Variants in KIAA1328 observed in about 807,000 individuals in gnomAD.
KIAA1328 encodes the protein KIAA1328.
In KIAA1328, 52 loss-of-function variants were observed where a neutral mutation model predicts 68.1. The ratio of observed to expected loss-of-function variants is 0.76; its 90% CI spans 0.61 to 0.96. KIAA1328 has a LOEUF of 0.96. KIAA1328 is among the 40% of genes least tolerant of loss of function. The pLI, the probability that KIAA1328 is intolerant of heterozygous loss-of-function variation, is 0.00. For synonymous variants in KIAA1328, 232 were observed against 239.4 expected, an observed-to-expected ratio of 0.97 and a Z score of 0.28; for missense variants, 641 against 677.6, an observed-to-expected ratio of 0.95 and a Z score of 0.60.
intron 5 of KIAA1328, among the ~76,000 whole-genome samples, chr18:36,941,765 A>C (rs1470681469): frequency 6.6e-6 from 1 of 152,202 alleles, no homozygotes; most frequent in Non-Finnish European, 1.5e-5. Context: ...AGAGGCATTT[A>C]CATTTTACTA....
At chr18:36,976,530 T>G (rs2052479470) in intron 6 of KIAA1328, among the ~76,000 whole-genome samples, 1 of 152,020 alleles carries the variant, frequency 6.6e-6, no homozygotes, top group African/African-American at 2.4e-5. Context: ...TTTTAGTGAC[T>G]TAGCCTGATT....
chr18:37,060,090 T>C (rs2056088665), intron 6 of KIAA1328, among the ~76,000 whole-genome samples: 1 of 152,058 alleles, frequency 6.6e-6, no homozygotes, highest in Non-Finnish European at 1.5e-5. Flanking sequence ...CAAAACACCA[T>C]GGCACATGTA....
intron 4 of KIAA1328, among the ~76,000 whole-genome samples, chr18:36,852,959 A>T (rs1242517617): frequency 6.6e-6 from 1 of 152,124 alleles, no homozygotes; most frequent in African/African-American, 2.4e-5. Context: ...AGCTATGTTA[A>T]TATTTTCATA....
In KIAA1328 at chr18:36,977,870, G is replaced by A. The variant is rs558471217; in HGVS notation, c.576+18435G>A. On this transcript the variant is annotated intron_variant, in intron 6 of 9. Coordinates refer to ENST00000280020, the MANE Select transcript of KIAA1328 (RefSeq NM_020776.3). ...GCAGTCTTGGCTCACTGCAACCTCC[G>A]CCTTCCAGGTTCAAGAGATTCTCAT... 1.1e-4 allele frequency among the ~76,000 whole-genome samples: 17 copies of A among 152,044 alleles called. No homozygotes were observed. The South Asian group carries it at 2.9e-3, about 26-fold the overall frequency.
intron 7 of KIAA1328, among the ~76,000 whole-genome samples, chr18:37,072,688 C>T (rs908890691): frequency 2.0e-5 from 3 of 151,970 alleles, no homozygotes; most frequent in Non-Finnish European, 2.9e-5. Context: ...CTGTGCAGAG[C>T]GTACAGGTTT....
At chr18:37,001,158 C>G (rs1198170130) in intron 6 of KIAA1328, among the ~76,000 whole-genome samples, 2 of 151,582 alleles carry the variant, frequency 1.3e-5, no homozygotes, top group Admixed American at 6.6e-5. Context: ...AGAGAAGATC[C>G]AAATAAACAA....
At chr18:36,982,734 A>AT (rs2052746786) in intron 6 of KIAA1328, among the ~76,000 whole-genome samples, 1 of 152,016 alleles carries the variant, frequency 6.6e-6, no homozygotes, top group Admixed American at 6.6e-5. Flanking sequence ...AATATATAAT[A>AT]TTTTTTATTA....
chr18:37,075,881 A>C (rs150046595), intron 7 of KIAA1328, among the ~76,000 whole-genome samples: 38,287 of 150,304 alleles, frequency 0.25, 7,149 homozygotes, highest in African/African-American at 0.56. Context: ...CAGAATAATA[A>C]TGGGAGACTT....
chr18:36,943,341 C>T (rs934830605), intron 5 of KIAA1328, among the ~76,000 whole-genome samples: 11 of 152,170 alleles, frequency 7.2e-5, no homozygotes, highest in Non-Finnish European at 1.5e-4. Flanking sequence ...TTGACTTGCT[C>T]AGCATTGATA....
At chr18:37,155,300 A>G (rs2059128804) in intron 7 of KIAA1328, among the ~76,000 whole-genome samples, 1 of 152,128 alleles carries the variant, frequency 6.6e-6, no homozygotes, top group Admixed American at 6.5e-5. Context: ...CAATAGCAAA[A>G]AGCCATGGAG....
intron 9 of KIAA1328, among the ~76,000 whole-genome samples, chr18:37,175,582 G>A (rs749457967): frequency 1.3e-5 from 2 of 151,432 alleles, no homozygotes; most frequent in Non-Finnish European, 2.9e-5. Context: ...TCTCTTACAC[G>A]AATTGCAGAG....
chr18:37,137,004 G>A (rs1048398422), intron 7 of KIAA1328, among the ~76,000 whole-genome samples: 21 of 151,982 alleles, frequency 1.4e-4, no homozygotes, highest in African/African-American at 4.8e-4. Flanking sequence ...TGCTGCTTCT[G>A]GACAGAATTG....
intron 5 of KIAA1328, among the ~76,000 whole-genome samples, chr18:36,887,350 A>G (rs1205464235): frequency 1.3e-5 from 2 of 152,156 alleles, no homozygotes; most frequent in African/African-American, 2.4e-5. Context: ...ATTTGCAACA[A>G]AAATTCAATT....
chr18:36,858,203 T>C (rs2047443174), intron 4 of KIAA1328, among the ~76,000 whole-genome samples: 1 of 152,182 alleles, frequency 6.6e-6, no homozygotes, highest in Non-Finnish European at 1.5e-5. Context: ...AATACACTTT[T>C]ACAGTTATTA....
intron 4 of KIAA1328, among the ~76,000 whole-genome samples, chr18:36,862,163 T>G (rs1228836028): frequency 6.6e-6 from 1 of 152,230 alleles, no homozygotes; most frequent in Non-Finnish European, 1.5e-5. Flanking sequence ...CAGTACAATA[T>G]CACAGGAAAT....
intron 5 of KIAA1328, among the ~76,000 whole-genome samples, chr18:36,919,387 T>A (rs1462942482): frequency 1.3e-5 from 2 of 152,186 alleles, no homozygotes; most frequent in Admixed American, 1.3e-4. Context: ...GGGTTGGTCT[T>A]GCTTTTTTAT....
intron 9 of KIAA1328, among the ~76,000 whole-genome samples, chr18:37,214,267 G>T (rs549127898): frequency 6.6e-6 from 1 of 152,258 alleles, no homozygotes; most frequent in Admixed American, 6.5e-5. Flanking sequence ...TTCTTCTAGG[G>T]TTTTTATGGT....
chr18:37,169,428 G>C (rs2059456049), intron 8 of KIAA1328, among the ~76,000 whole-genome samples: 2 of 152,016 alleles, frequency 1.3e-5, no homozygotes, highest in African/African-American at 4.8e-5. Flanking sequence ...GCCTCCCAAA[G>C]TGCTGGGATT....
At chr18:36,846,474 G>A (rs1215943604) in intron 4 of KIAA1328, among the ~76,000 whole-genome samples, 3 of 151,362 alleles carry the variant, frequency 2.0e-5, no homozygotes, top group Admixed American at 6.6e-5. Flanking sequence ...ATGTCAAAGT[G>A]CAATTTGCAT....
Sources: allele counts gnomAD v4.1 joint callset (sites outside exome capture counted in the v4.1 genomes callset), GRCh38; gene constraint gnomAD v4.1.1; transcripts MANE v1.5; gene names NCBI Gene and HGNC (gene_info 2026-07-23, HGNC 2026-07-21).